The following KBTBD2 variants were observed in gnomAD, a reference collection of about 807,000 sequenced individuals.
KBTBD2 encodes the protein kelch repeat and BTB domain containing 2.
KBTBD2 carries 17 observed loss-of-function variants against 57.1 expected under a neutral mutation model. The ratio of observed to expected loss-of-function variants is 0.30; its 90% confidence interval spans 0.20 to 0.45. The LOEUF is 0.45. Ranked by LOEUF, KBTBD2 falls within the 20% of genes least tolerant of loss-of-function variation. KBTBD2 has a pLI of 1.00. For missense variants in KBTBD2, 515 were observed against 750.6 expected (o/e 0.69, Z 3.67); for synonymous variants, 267 against 262.7 (o/e 1.02, Z -0.16).
Position 32,869,530 on chromosome 7 carries a change from G to T in KBTBD2, c.1687C>A (p.Leu563Met). The T allele has an allele frequency of 6.2e-7, 1 of 1,614,144 alleles. No homozygotes were observed. The highest frequency in any genetic ancestry group is 8.5e-7 in the Non-Finnish European group (1 of 1,179,996). The stretch of plus-strand genomic sequence containing the variant: ...ACACGTTCAGATATATGCTGCCGCA[G>T]AGACCACCGGTCAAGTTCCAGGTCA... ...QYDLELDRWS[L>M]RQHISERVLW... Residue 563 changes from leucine to methionine, a missense_variant, in exon 4 of 4, where the codon CTG becomes ATG. Transcript: ENST00000304056.
Position 32,870,228 on chromosome 7 carries a change from G to C in KBTBD2, c.989C>G (p.Thr330Arg), listed in dbSNP as rs1336367603. ...IAGGQVPLKN[T>R]KTNHSKTSKL... ...GCTTGTTTTACTGTGATTTGTTTTT[G>C]TGTTTTTCAGAGGAACTTGACCCCC... Residue 330 changes from threonine to arginine, a missense_variant, in exon 4 of 4, where the codon ACA (threonine) becomes AGA (arginine). Transcript: ENST00000304056. 12 of 1,614,036 alleles carry C rather than the reference G, an allele frequency of 7.4e-6. No individual in the cohort carries two copies. The highest frequency in any genetic ancestry group is 1.7e-5 in the Admixed American group (1 of 59,992).
chr7:32,870,941 T>C, intron 3 of KBTBD2, 61 bp from the exon 4 acceptor site: 3 of 976,368 alleles, frequency 3.1e-6, no homozygotes, highest in Non-Finnish European at 4.4e-6. Flanking sequence ...ATTTTACTTT[T>C]ATGTAAGACG....
Position 32,869,414 on chromosome 7 carries a change from A to C in KBTBD2, c.1803T>G (p.Tyr601Ter). 1 of 1,614,126 alleles carries C rather than the reference A, an allele frequency of 6.2e-7. No homozygotes were observed. Among genetic ancestry groups the C allele is most frequent in the Admixed American group, 1.7e-5 (1 of 60,010 alleles). The change falls in exon 4 of 4, where the codon TAT (tyrosine) becomes TAG (stop). Residue 601 changes from tyrosine (Y) to a stop codon, truncating the protein, a stop_gained. Transcript: ENST00000304056. LOFTEE classifies it high-confidence loss of function. ...CTTCTGTCCCATCCGTTGAAAAAAG[A>C]TAAGTTGGTGGTTTCCATGGAGACT... Reference protein sequence around the residue: ...LEESPWKPPTYLFSTDGTEEF... With the variant: ...LEESPWKPPT
chr7:32,874,872 G>A (rs1784272243), intron 3 of KBTBD2, 120 bp downstream of exon 3: 2 of 739,940 alleles, frequency 2.7e-6, no homozygotes, highest in Admixed American at 2.7e-5. Flanking sequence ...TCAGGAGGCT[G>A]AGGCAGGAGA....
At chr7:32,883,841 T>G (rs1430875328) in intron 1 of KBTBD2, among the ~76,000 whole-genome samples, 1 of 152,208 alleles carries the variant, frequency 6.6e-6, no homozygotes, top group Non-Finnish European at 1.5e-5. Context: ...CACCAAGGGC[T>G]TTTACTCTTA....
rs1192156294 is a variant in KBTBD2 at position 32,875,112 on chromosome 7, T to C, written c.216A>G (p.Val72=). Reference sequence around the variant, plus strand: ...TGGCAGCATCGACATTCCTCAGGTGTACATGGGTTTGTTTGCTTTCACTTA... The same window carrying C: ...TGGCAGCATCGACATTCCTCAGGTGCACATGGGTTTGTTTGCTTTCACTTA... ...SGLSESKQTH[V]HLRNVDAATL... Residue 72 remains valine (V), a synonymous_variant, in exon 3 of 4, where the codon GTA becomes GTG. Coordinates refer to ENST00000304056, the MANE Select transcript of KBTBD2 (RefSeq NM_015483.3). The C allele has an allele frequency of 6.2e-7, 1 of 1,614,200 alleles. No homozygotes were observed. Among genetic ancestry groups the C allele is most frequent in the South Asian group, 1.1e-5 (1 of 91,090 alleles).
At chr7:32,887,304 T>C (rs1784603872) in intron 1 of KBTBD2, among the ~76,000 whole-genome samples, 1 of 152,160 alleles carries the variant, frequency 6.6e-6, no homozygotes, top group East Asian at 1.9e-4. Flanking sequence ...GAGGAATAAG[T>C]GTTACTGATC....
chr7:32,891,141 G>C (rs1784724894), intron 1 of KBTBD2: 1 of 152,060 alleles, frequency 6.6e-6, no homozygotes, highest in Non-Finnish European at 1.5e-5. Context: ...TCGCGAACAC[G>C]TCGCGAGTCT....
At chr7:32,877,778 T>A (rs1206096032) in intron 2 of KBTBD2, among the ~76,000 whole-genome samples, 5 of 152,166 alleles carry the variant, frequency 3.3e-5, no homozygotes, top group Non-Finnish European at 5.9e-5. Context: ...TACACAGTTG[T>A]CCCTTGGTAT....
chr7:32,882,033 G>C (rs1275542625), intron 1 of KBTBD2, among the ~76,000 whole-genome samples: 1 of 151,846 alleles, frequency 6.6e-6, no homozygotes, highest in African/African-American at 2.4e-5. Context: ...ACTATATATA[G>C]CCTCACGTTA....
At chr7:32,871,893 T>C (rs1216989726) in intron 3 of KBTBD2, among the ~76,000 whole-genome samples, 2 of 152,092 alleles carry the variant, frequency 1.3e-5, no homozygotes, top group African/African-American at 2.4e-5. Flanking sequence ...CAAGCAGAAG[T>C]AGTATACGGT....
At position 32,870,031 on chromosome 7, in the gene KBTBD2, G is replaced by A. The variant is rs1477737765; in HGVS notation, c.1186C>T (p.Arg396Trp). 4.3e-6 allele frequency: 7 copies of A among 1,613,980 alleles called. No individual in the cohort carries two copies. Among genetic ancestry groups the A allele is most frequent in the African/African-American group, 2.7e-5 (2 of 74,914 alleles). The change falls in exon 4 of 4, where the codon CGG becomes TGG. Residue 396 changes from arginine (R) to tryptophan (W), a missense_variant. Coordinates refer to ENST00000304056, the MANE Select transcript of KBTBD2 (RefSeq NM_015483.3). ...GGDSVGGELNRRTVERYDTEK... is the reference protein window; with the variant it reads ...GGDSVGGELNWRTVERYDTEK... ...GTGTCGTATCTTTCTACGGTCCTCC[G>A]ATTAAGTTCTCCACCTACGCTATCT...
Position 32,889,670 on chromosome 7 carries a change from ACT to A in KBTBD2, c.-339+1864_-339+1865del, listed in dbSNP as rs368605315. On this transcript the variant is annotated intron_variant, in intron 1 of 3. Coordinates refer to ENST00000304056, the MANE Select transcript of KBTBD2 (RefSeq NM_015483.3). ...TTTAAGTATCAGTTGGTCTATTCAAACTCTACAAAACTGAAAAGATTAAGCTA... is the reference window on the plus strand; with the variant it reads ...TTTAAGTATCAGTTGGTCTATTCAAACTACAAAACTGAAAAGATTAAGCTA... 6.8e-4 allele frequency among the ~76,000 whole-genome samples: 104 copies of A among 152,290 alleles called. 2 individuals carry two copies. In the Middle Eastern group the frequency reaches 0.027, roughly 40 times the overall value.
In KBTBD2 at chr7:32,879,915, C is replaced by A; in HGVS notation, c.-311G>T. The stretch of plus-strand genomic sequence containing the variant: ...CACGAGGTAGATTTTGTGGCAACAT[C>A]CTATGTTCAGCGGATCCTGTGGAGT... On this transcript the variant is annotated 5_prime_UTR_variant, in exon 2 of 4. Coordinates refer to ENST00000304056, the MANE Select transcript of KBTBD2 (RefSeq NM_015483.3). The A allele has an allele frequency of 3.7e-6, 1 of 268,210 alleles. No individual in the cohort carries two copies. Among genetic ancestry groups the A allele is most frequent in the Non-Finnish European group, 7.0e-6 (1 of 142,564 alleles). 16.6% of individuals were successfully genotyped at this position (268,210 alleles called of 1,614,324 possible).
chr7:32,876,407 G>A (rs991226247), intron 2 of KBTBD2, among the ~76,000 whole-genome samples: 1 of 152,222 alleles, frequency 6.6e-6, no homozygotes, highest in African/African-American at 2.4e-5. Flanking sequence ...GAAAGATGGA[G>A]AGCAGTCAGA....
At chr7:32,883,483 C>A (rs896380190) in intron 1 of KBTBD2, among the ~76,000 whole-genome samples, 1 of 152,184 alleles carries the variant, frequency 6.6e-6, no homozygotes, top group Non-Finnish European at 1.5e-5. Flanking sequence ...CTGTAAAAGG[C>A]TCCTTCCCTC....
At chr7:32,876,284 A>G (rs1231208001) in intron 2 of KBTBD2, among the ~76,000 whole-genome samples, 4 of 152,238 alleles carry the variant, frequency 2.6e-5, no homozygotes, top group Non-Finnish European at 4.4e-5. Context: ...CCTCAAGGAC[A>G]GAGATGAAGA....
In KBTBD2 at chr7:32,891,573, G is replaced by A. The variant is rs1487632316; in HGVS notation, c.-376C>T. 6.6e-6 allele frequency: 1 copy of A among 150,624 alleles called. No homozygotes were observed. Among genetic ancestry groups the A allele is most frequent in the Non-Finnish European group, 1.5e-5 (1 of 67,584 alleles). The allele number at this position is 150,624 out of a possible 1,614,324, so 9.3% of individuals were successfully genotyped here. On this transcript the variant is annotated 5_prime_UTR_variant, in exon 1 of 4. Coordinates refer to ENST00000304056, the MANE Select transcript of KBTBD2 (RefSeq NM_015483.3). Reference sequence around the variant, plus strand: ...GTCCGGAGGTGTGGGATCCGCTCCAGCCGGTGGCCCCGTCCACACTGGGCC... The same window carrying A: ...GTCCGGAGGTGTGGGATCCGCTCCAACCGGTGGCCCCGTCCACACTGGGCC...
At chr7:32,883,689 C>A (rs866019819) in intron 1 of KBTBD2, among the ~76,000 whole-genome samples, 52 of 152,340 alleles carry the variant, frequency 3.4e-4, no homozygotes, top group African/African-American at 1.2e-3. Flanking sequence ...CAGATTAATT[C>A]TCAGGTATCA....
Sources: gnomAD v4.1 joint callset for allele counts (sites outside exome capture counted in the v4.1 genomes callset) on GRCh38, gnomAD v4.1.1 for gene constraint, MANE v1.5 for transcripts, NCBI Gene and HGNC (gene_info 2026-07-23, HGNC 2026-07-21) for gene names.